Variants in MSN observed in about 807,000 individuals in gnomAD.
The protein encoded by MSN is epididymis luminal protein 70.
MSN carries 2 observed loss-of-function variants against 48.0 expected under a neutral mutation model. That is an observed-to-expected ratio of 0.04 (90% CI 0.02 to 0.13). MSN has a LOEUF of 0.13. MSN is among the 10% of genes least tolerant of loss of function. The probability of loss-of-function intolerance (pLI) is 1.00; values close to 1 mark genes in which losing one functional copy is unlikely to be tolerated. For missense variants in MSN, 267 were observed against 470.1 expected, an observed-to-expected ratio of 0.57 and a Z score of 3.99; for synonymous variants, 146 against 166.9, an observed-to-expected ratio of 0.87 and a Z score of 0.97.
At position 65,609,194 on chromosome X, in the gene MSN, G is replaced by C. The variant is rs764198061; in HGVS notation, c.-22+20582G>C. On this transcript the variant is annotated intron_variant, in intron 1 of 3. Transcript: ENST00000609672. Reference sequence around the variant, plus strand: ...GAAGAGATTGTTGGAAAGCCAATCAGACAGGCCTGGGCAAAAACCAGGGGA... The same window carrying C: ...GAAGAGATTGTTGGAAAGCCAATCACACAGGCCTGGGCAAAAACCAGGGGA... 4.7e-5 allele frequency among the ~76,000 whole-genome samples: 5 copies of C among 107,285 alleles called. No individual in the cohort carries two copies. The East Asian group carries it at 1.2e-3, about 25-fold the overall frequency. 93.2% of individuals were successfully genotyped at this position (107,285 alleles called of 115,157 possible). A position where few individuals can be genotyped will look rare whatever the true frequency, so the allele number is the denominator to read the frequency against.
intron 9 of MSN, 48 bp downstream of exon 9, chrX:65,736,973 C>T (rs1453709232): frequency 1.7e-6 from 2 of 1,199,101 alleles, no homozygotes; most frequent in African/African-American, 3.5e-5. Context: ...AGGCCTAACT[C>T]TGAGCTGGAG....
At chrX:65,589,866 CT>C (rs34344599) in intron 1 of MSN, 2,630 of 79,883 alleles carry the variant, frequency 0.033, 86 homozygotes, top group African/African-American at 0.32. Flanking sequence ...TTCTTTCTTT[CT>C]TTTTTTTTTT....
At chrX:65,595,659 T>C (rs1378278037) in intron 1 of MSN, among the ~76,000 whole-genome samples, 31 of 112,502 alleles carry the variant, frequency 2.8e-4, no homozygotes, top group Non-Finnish European at 1.9e-5. Flanking sequence ...GAGAAATCAC[T>C]CTGGGTGTGG....
intron 1 of MSN, among the ~76,000 whole-genome samples, chrX:65,602,962 G>T (rs1279819809): frequency 9.0e-6 from 1 of 111,240 alleles, no homozygotes; most frequent in African/African-American, 3.3e-5. Context: ...CCCTACTGAG[G>T]CCAGGGAGGG....
chrX:65,698,914 A>G (rs1182961525), intron 1 of MSN, among the ~76,000 whole-genome samples: 2 of 111,858 alleles, frequency 1.8e-5, no homozygotes, highest in Non-Finnish European at 3.8e-5. Context: ...GGGAAACTGA[A>G]GCCCAGAAAG....
chrX:65,674,477 G>T (rs2070976257), intron 1 of MSN, among the ~76,000 whole-genome samples: 1 of 110,987 alleles, frequency 9.0e-6, no homozygotes, highest in African/African-American at 3.3e-5. Flanking sequence ...CCCTAAAATG[G>T]TTTTGCTATA....
At chrX:65,670,554 C>G (rs1438583625) in intron 1 of MSN, among the ~76,000 whole-genome samples, 1 of 108,899 alleles carries the variant, frequency 9.2e-6, no homozygotes, top group Non-Finnish European at 1.9e-5. Flanking sequence ...GAAACCCTGT[C>G]TCTACTAAAA....
intron 1 of MSN, among the ~76,000 whole-genome samples, chrX:65,616,985 C>T (rs1335679135): frequency 6.6e-4 from 72 of 108,813 alleles, no homozygotes; most frequent in African/African-American, 2.2e-3. Context: ...TTGTCTTTGG[C>T]TCTGTTTATA....
At chrX:65,592,679 T>C (rs2070157240) in intron 1 of MSN, among the ~76,000 whole-genome samples, 1 of 111,698 alleles carries the variant, frequency 9.0e-6, no homozygotes, top group Non-Finnish European at 1.9e-5. Flanking sequence ...GCACATCACA[T>C]GGACAGGAAT....
At chrX:65,647,270 G>A (rs1244755625) in intron 1 of MSN, among the ~76,000 whole-genome samples, 2 of 102,387 alleles carry the variant, frequency 2.0e-5, no homozygotes, top group Non-Finnish European at 4.0e-5. Context: ...GGAGTGCAAT[G>A]GCGTGATCTC....
intron 1 of MSN, among the ~76,000 whole-genome samples, chrX:65,715,769 A>C (rs1191182107): frequency 1.8e-5 from 2 of 111,930 alleles, no homozygotes; most frequent in Non-Finnish European, 3.8e-5. Context: ...TGTCATCTGC[A>C]AACAAGGATA....
intron 2 of MSN, among the ~76,000 whole-genome samples, chrX:65,718,470 A>G (rs1402858460): frequency 7.1e-5 from 8 of 112,033 alleles, no homozygotes; most frequent in Admixed American, 9.4e-5. Flanking sequence ...CATCCAGCAT[A>G]TGGTAGAGAA....
intron 1 of MSN, among the ~76,000 whole-genome samples, chrX:65,654,564 T>C (rs2070768099): frequency 9.0e-6 from 1 of 111,548 alleles, no homozygotes; most frequent in Non-Finnish European, 1.9e-5. Context: ...AACTAGTTAT[T>C]GGAAAAACAG....
chrX:65,612,000 A>G (rs1468508381), intron 1 of MSN, among the ~76,000 whole-genome samples: 1 of 111,998 alleles, frequency 8.9e-6, no homozygotes, highest in African/African-American at 3.2e-5. Context: ...GATATTTTAT[A>G]TCTTCTTTGA....
At chrX:65,732,059 C>A in intron 6 of MSN, 75 bp downstream of exon 6, 1 of 1,059,893 alleles carries the variant, frequency 9.4e-7, no homozygotes, top group Admixed American at 2.7e-5. Context: ...AGGAGCAGGG[C>A]CATATCTCTT....
intron 5 of MSN, among the ~76,000 whole-genome samples, chrX:65,731,436 A>G (rs996290645): frequency 8.9e-6 from 1 of 111,985 alleles, no homozygotes; most frequent in African/African-American, 3.2e-5. Flanking sequence ...GGGAGCTCTT[A>G]CACATGGCAA....
intron 1 of MSN, among the ~76,000 whole-genome samples, chrX:65,629,347 A>G (rs2070535887): frequency 8.9e-6 from 1 of 111,881 alleles, no homozygotes; most frequent in Non-Finnish European, 1.9e-5. Flanking sequence ...TGTCAAAGCC[A>G]TTCAACAAGT....
intron 1 of MSN, among the ~76,000 whole-genome samples, chrX:65,639,995 A>ATGTCCTT (rs2070636618): frequency 9.0e-6 from 1 of 111,675 alleles, no homozygotes; most frequent in East Asian, 2.8e-4. Context: ...AGTGAATGAG[A>ATGTCCTT]CCAGAAAGGA....
chrX:65,626,311 C>A (rs942610662), intron 1 of MSN, among the ~76,000 whole-genome samples: 1 of 111,781 alleles, frequency 8.9e-6, no homozygotes, highest in Non-Finnish European at 1.9e-5. Context: ...GGCTTCTATC[C>A]ATTTATTTTG....
Sources: gnomAD v4.1 joint callset for allele counts (sites outside exome capture counted in the v4.1 genomes callset) on GRCh38, gnomAD v4.1.1 for gene constraint, MANE v1.5 for transcripts, NCBI Gene and HGNC (gene_info 2026-07-23, HGNC 2026-07-21) for gene names.